TLL1: variants seen among roughly 807,000 people sequenced by gnomAD.
The protein encoded by TLL1 is tolloid-like protein 1.
Under a neutral mutation model 128.2 loss-of-function variants are expected in TLL1, and 49 were observed. The ratio of observed to expected loss-of-function variants is 0.38; its 90% CI spans 0.30 to 0.48. TLL1 has a LOEUF of 0.48. TLL1 is among the 20% of genes least tolerant of loss of function. The probability of loss-of-function intolerance (pLI) is 0.96; values close to 1 mark genes in which losing one functional copy is unlikely to be tolerated. For synonymous variants in TLL1, 454 were observed against 418.8 expected (o/e 1.08, Z -1.03); for missense variants, 1,123 against 1,242.0 (o/e 0.90, Z 1.44).
rs1408891039 is a variant in TLL1, at chr4:166,102,138, CT to C, written c.*1264del. The C allele has an allele frequency of 6.6e-6, 1 of 152,424 alleles. No individual in the cohort carries two copies. The highest frequency in any genetic ancestry group is 1.5e-5 in the Non-Finnish European group (1 of 67,926). The allele number at this position is 152,424 out of a possible 1,614,324, so 9.4% of individuals were successfully genotyped here. On this transcript the variant is annotated 3_prime_UTR_variant, in exon 21 of 21. Coordinates refer to ENST00000061240, the MANE Select transcript of TLL1 (RefSeq NM_012464.5). ...CAGCACTTGTCCTGTGGAACAACTA[CT>C]TATAATGCCTTAGAATTCCTGCACA...
rs1200336977 is a variant in TLL1 at position 166,040,667 on chromosome 4, AC to A, written c.1261+1227del. Among the ~76,000 whole-genome samples the A allele has an allele frequency of 6.6e-5, 10 of 152,344 alleles. No individual in the cohort carries two copies. The South Asian group carries it at 1.4e-3, about 22-fold the overall frequency. ...CTGGAAAGCTGTTAGAATTGTAGAAACTTGGCTCTCACTCTATATCCTCTGA... is the reference window on the plus strand; with the variant it reads ...CTGGAAAGCTGTTAGAATTGTAGAAATTGGCTCTCACTCTATATCCTCTGA... On this transcript the variant is annotated intron_variant, in intron 10 of 20. Transcript: ENST00000061240.
chr4:166,075,027 T>C, intron 17 of TLL1, 24 bp downstream of exon 17: 1 of 1,612,016 alleles, frequency 6.2e-7, no homozygotes, highest in Non-Finnish European at 8.5e-7. Flanking sequence ...TACACTTTTT[T>C]TGACAACATG....
rs145415408 is a variant in TLL1, at chr4:165,898,174, A to T, written c.169+24101A>T. ...TAAATATACAGTCATGTCATCTGCA[A>T]ACAGAGACAATTTGACTTCGTCTCT... On this transcript the variant is annotated intron_variant, in intron 1 of 20. Transcript: ENST00000061240. 2.4e-3 allele frequency among the ~76,000 whole-genome samples: 362 copies of T among 152,320 alleles called. 2 individuals carry two copies. The East Asian group carries it at 0.043, about 18-fold the overall frequency.
chr4:166,099,127 T>C, intron 19 of TLL1, 150 bp from the exon 20 acceptor site: 1 of 1,271,296 alleles, frequency 7.9e-7, no homozygotes, highest in Non-Finnish European at 1.1e-6. Flanking sequence ...TGACACTATC[T>C]GACTCTCCAG....
chr4:165,921,207 C>A (rs1288059860), intron 1 of TLL1, among the ~76,000 whole-genome samples: 2 of 152,268 alleles, frequency 1.3e-5, no homozygotes, highest in Admixed American at 1.3e-4. Context: ...CTAAGTATAA[C>A]AAGCTAAATA....
intron 1 of TLL1, among the ~76,000 whole-genome samples, chr4:165,944,875 C>T (rs962003891): frequency 1.3e-5 from 2 of 152,114 alleles, no homozygotes; most frequent in African/African-American, 4.8e-5. Context: ...ATGTCTGAGA[C>T]ATCCAAGTAG....
chr4:166,038,536 T>G (rs2111088483), intron 9 of TLL1, among the ~76,000 whole-genome samples: 1 of 152,094 alleles, frequency 6.6e-6, no homozygotes, highest in South Asian at 2.1e-4. Context: ...ATAAGCATAC[T>G]TCTCGCGTAA....
chr4:166,024,129 T>C (rs1738378288), intron 8 of TLL1, among the ~76,000 whole-genome samples: 1 of 152,252 alleles, frequency 6.6e-6, no homozygotes, highest in Admixed American at 6.5e-5. Context: ...TGTCCCAAAG[T>C]TGCTTTTGTC....
chr4:166,065,784 C>T lies in TLL1; in HGVS notation c.2109C>T (p.Ser703=). Residue 703 remains serine, a synonymous_variant, in exon 16 of 21, where the codon TCC becomes TCT. Coordinates refer to ENST00000061240, the MANE Select transcript of TLL1 (RefSeq NM_012464.5). ...CGAEVPEVIT[S]QFNNMRIEFK... is the part of the protein sequence containing the mutation. Reference sequence around the variant, plus strand: ...CTGAAGTGCCTGAAGTGATCACATCCCAGTTCAACAATATGAGAATTGAAT... The same window carrying T: ...CTGAAGTGCCTGAAGTGATCACATCTCAGTTCAACAATATGAGAATTGAAT... The T allele has an allele frequency of 6.2e-7, 1 of 1,612,896 alleles. No individual in the cohort carries two copies.
At chr4:165,914,867 A>C (rs1181918717) in intron 1 of TLL1, among the ~76,000 whole-genome samples, 1 of 152,240 alleles carries the variant, frequency 6.6e-6, no homozygotes, top group African/African-American at 2.4e-5. Context: ...TCTTTATACG[A>C]AAATGTTTAA....
At chr4:166,027,563 A>G (rs1039489239) in intron 9 of TLL1, among the ~76,000 whole-genome samples, 1 of 152,202 alleles carries the variant, frequency 6.6e-6, no homozygotes, top group Non-Finnish European at 1.5e-5. Flanking sequence ...TTCTTGATAT[A>G]ATTTAAAAAT....
At chr4:166,077,338 A>C (rs1741081039) in intron 17 of TLL1, among the ~76,000 whole-genome samples, 1 of 152,032 alleles carries the variant, frequency 6.6e-6, no homozygotes, top group Non-Finnish European at 1.5e-5. Flanking sequence ...CATTCCCCTT[A>C]GTGCTTCCAT....
In TLL1 at chr4:166,065,865, T is replaced by C. The variant is rs2111125913; in HGVS notation, c.2188+2T>C. 1 of 1,602,154 alleles carries C rather than the reference T, an allele frequency of 6.2e-7. No homozygotes were observed. Among genetic ancestry groups the C allele is most frequent in the Non-Finnish European group, 8.5e-7 (1 of 1,174,534 alleles). Reference sequence around the variant, plus strand: ...GCTTCAAAGCACATTTTTTCTCAGGTATAAGCATTCACATGTTGTATGTGT... The same window carrying C: ...GCTTCAAAGCACATTTTTTCTCAGGCATAAGCATTCACATGTTGTATGTGT... On this transcript the variant is annotated splice_donor_variant, in intron 16 of 20. Coordinates refer to ENST00000061240, the MANE Select transcript of TLL1 (RefSeq NM_012464.5). LOFTEE classifies it high-confidence loss of function.
Position 166,104,252 on chromosome 4 carries a change from A to C in TLL1, c.*3376A>C, listed in dbSNP as rs183685059. The stretch of plus-strand genomic sequence containing the variant: ...TGCAAGGTTAAAATTTATTTTTAAA[A>C]GAAACATTAAATTATATCTTTATGT... On this transcript the variant is annotated 3_prime_UTR_variant, in exon 21 of 21. Coordinates refer to ENST00000061240, the MANE Select transcript of TLL1 (RefSeq NM_012464.5). Among the ~76,000 whole-genome samples, 3 of 152,106 alleles carry C rather than the reference A, an allele frequency of 2.0e-5. No homozygotes were observed. The highest frequency in any genetic ancestry group is 1.3e-4 in the Admixed American group (2 of 15,238).
At chr4:165,912,752 T>C (rs1411496809) in intron 1 of TLL1, among the ~76,000 whole-genome samples, 2 of 152,174 alleles carry the variant, frequency 1.3e-5, no homozygotes, top group South Asian at 2.1e-4. Context: ...AACTTTTTTA[T>C]TGAGAGATAA....
chr4:166,061,328 C>T (rs1243414086), intron 15 of TLL1, among the ~76,000 whole-genome samples: 2 of 151,580 alleles, frequency 1.3e-5, no homozygotes, highest in African/African-American at 4.9e-5. Flanking sequence ...TCACTGCAAC[C>T]TCCGCCTCCT....
chr4:166,050,200 A>T (rs896545316), intron 12 of TLL1, among the ~76,000 whole-genome samples: 1 of 151,804 alleles, frequency 6.6e-6, no homozygotes, highest in Non-Finnish European at 1.5e-5. Flanking sequence ...AAAACACCCT[A>T]TTTTTTTCCT....
chr4:165,887,890 C>T (rs1731235792), intron 1 of TLL1, among the ~76,000 whole-genome samples: 1 of 151,870 alleles, frequency 6.6e-6, no homozygotes, highest in African/African-American at 2.4e-5. Context: ...TAGATTTATT[C>T]ATATATTTTT....
At chr4:165,977,243 G>C (rs1047753911) in intron 1 of TLL1, among the ~76,000 whole-genome samples, 2 of 152,104 alleles carry the variant, frequency 1.3e-5, no homozygotes, top group Non-Finnish European at 2.9e-5. Flanking sequence ...GGATCATGGG[G>C]GGCAGTTTCC....
Sources: gnomAD v4.1 joint callset for allele counts (sites outside exome capture counted in the v4.1 genomes callset) on GRCh38, gnomAD v4.1.1 for gene constraint, MANE v1.5 for transcripts, NCBI Gene and HGNC (gene_info 2026-07-23, HGNC 2026-07-21) for gene names.